The following DENND1A variants were observed in gnomAD, a reference collection of about 807,000 sequenced individuals.
DENND1A encodes the protein DENN domain containing 1A.
Under a neutral mutation model 113.7 loss-of-function variants are expected in DENND1A, and 51 were observed. The ratio of observed to expected loss-of-function variants is 0.45; its 90% CI spans 0.36 to 0.57. The LOEUF is 0.57. Among genes scored for constraint, DENND1A ranks in the 20% least tolerant of loss-of-function variants. The probability of loss-of-function intolerance (pLI) is 0.00; values close to 1 mark genes in which losing one functional copy is unlikely to be tolerated. For missense variants in DENND1A, 1,258 were observed against 1,395.9 expected (o/e 0.90, Z 1.57); for synonymous variants, 565 against 570.8 (o/e 0.99, Z 0.14).
Position 123,775,169 on chromosome 9 carries a change from T to G in DENND1A, c.133-5606A>C, listed in dbSNP as rs1830280168. On this transcript the variant is annotated intron_variant, in intron 3 of 23. Transcript: ENST00000394215. Reference sequence around the variant, plus strand: ...GAAAATGAGAGCTATATTTATAAGGTCAGCATGAAATGCCAATAAAATTCT... The same window carrying G: ...GAAAATGAGAGCTATATTTATAAGGGCAGCATGAAATGCCAATAAAATTCT... 2.0e-5 allele frequency among the ~76,000 whole-genome samples: 3 copies of G among 152,186 alleles called. No individual in the cohort carries two copies. In the South Asian group the frequency reaches 6.2e-4, roughly 31 times the overall value.
At chr9:123,522,115 A>C (rs898822535) in intron 13 of DENND1A, among the ~76,000 whole-genome samples, 2 of 152,218 alleles carry the variant, frequency 1.3e-5, no homozygotes, top group African/African-American at 4.8e-5. Flanking sequence ...TTGCCCAACA[A>C]TGGCAAATAT....
At chr9:123,783,526 G>A (rs1564262436) in intron 3 of DENND1A, among the ~76,000 whole-genome samples, 1 of 152,166 alleles carries the variant, frequency 6.6e-6, no homozygotes, top group Non-Finnish European at 1.5e-5. Flanking sequence ...TTTGGTGTCA[G>A]GTGTTATTCT....
chr9:123,836,922 T>C (rs1252822266), intron 2 of DENND1A, among the ~76,000 whole-genome samples: 1 of 152,214 alleles, frequency 6.6e-6, no homozygotes, highest in African/African-American at 2.4e-5. Flanking sequence ...TACAACTACA[T>C]TTGTTATCTT....
At chr9:123,619,023 C>T (rs2060804084) in intron 10 of DENND1A, among the ~76,000 whole-genome samples, 1 of 152,222 alleles carries the variant, frequency 6.6e-6, no homozygotes, top group Non-Finnish European at 1.5e-5. Flanking sequence ...TCTCAGCTCA[C>T]TGCAACCTCC....
At chr9:123,808,501 C>T (rs956269797) in intron 2 of DENND1A, among the ~76,000 whole-genome samples, 5 of 151,952 alleles carry the variant, frequency 3.3e-5, no homozygotes, top group African/African-American at 1.2e-4. Context: ...CCGCCTCAGC[C>T]TCCCAAGTAG....
chr9:123,567,118 T>C (rs1384857777), intron 12 of DENND1A, among the ~76,000 whole-genome samples: 2 of 152,176 alleles, frequency 1.3e-5, no homozygotes, highest in African/African-American at 2.4e-5. Flanking sequence ...CATATATTTA[T>C]CCGGGGAGTG....
chr9:123,547,828 A>G (rs2056801010), intron 13 of DENND1A, among the ~76,000 whole-genome samples: 1 of 152,204 alleles, frequency 6.6e-6, no homozygotes, highest in Non-Finnish European at 1.5e-5. Context: ...TATGGACACC[A>G]CTATTCTAGA....
chr9:123,402,088 T>C (rs559762935), intron 21 of DENND1A, among the ~76,000 whole-genome samples: 3 of 152,366 alleles, frequency 2.0e-5, no homozygotes, highest in South Asian at 4.1e-4. Context: ...TCAGGTGCCA[T>C]GCAGCGTTCT....
chr9:123,739,925 A>G (rs61184681), intron 5 of DENND1A, among the ~76,000 whole-genome samples: 10,946 of 149,964 alleles, frequency 0.073, 779 homozygotes, highest in African/African-American at 0.19. Context: ...CATAGGAGAA[A>G]AAAAAAAAAA....
intron 3 of DENND1A, among the ~76,000 whole-genome samples, chr9:123,791,470 A>G (rs1350778766): frequency 6.6e-6 from 1 of 152,160 alleles, no homozygotes; most frequent in Non-Finnish European, 1.5e-5. Context: ...AAGTCTTGAG[A>G]TCAAACACAA....
At chr9:123,740,802 C>T (rs1357092944) in intron 5 of DENND1A, among the ~76,000 whole-genome samples, 1 of 151,154 alleles carries the variant, frequency 6.6e-6, no homozygotes, top group African/African-American at 2.4e-5. Context: ...ACAAGCTGTG[C>T]TTTAGAATGT....
chr9:123,865,825 A>G (rs1290404966), intron 2 of DENND1A, among the ~76,000 whole-genome samples: 1 of 152,194 alleles, frequency 6.6e-6, no homozygotes, highest in East Asian at 1.9e-4. Context: ...TAAGTAGGGG[A>G]GCCAGAATTT....
intron 5 of DENND1A, among the ~76,000 whole-genome samples, chr9:123,698,438 A>G (rs986502830): frequency 6.6e-6 from 1 of 152,236 alleles, no homozygotes. Flanking sequence ...ATCAACAGAT[A>G]TGATTTTGCT....
intron 13 of DENND1A, among the ~76,000 whole-genome samples, chr9:123,483,533 G>A (rs1201748131): frequency 6.6e-6 from 1 of 152,258 alleles, no homozygotes; most frequent in Non-Finnish European, 1.5e-5. Flanking sequence ...CACTTGCTGG[G>A]TTCCCCAGCT....
intron 13 of DENND1A, among the ~76,000 whole-genome samples, chr9:123,539,827 G>A (rs2056141575): frequency 6.7e-6 from 1 of 149,160 alleles, no homozygotes; most frequent in Non-Finnish European, 1.5e-5. Flanking sequence ...AGCTTGCAGT[G>A]AGCCGAGATC....
chr9:123,452,013 C>T (rs1324785214), intron 17 of DENND1A, among the ~76,000 whole-genome samples: 1 of 131,578 alleles, frequency 7.6e-6, no homozygotes, highest in East Asian at 2.2e-4. Flanking sequence ...GCCTGGGTAA[C>T]ATACTGAGAC....
chr9:123,577,955 A>G (rs955432911), intron 12 of DENND1A, among the ~76,000 whole-genome samples: 11 of 152,170 alleles, frequency 7.2e-5, no homozygotes, highest in African/African-American at 2.4e-4. Context: ...GACCAACAAG[A>G]TCTCTGACTC....
intron 5 of DENND1A, among the ~76,000 whole-genome samples, chr9:123,710,439 C>T (rs151027600): frequency 6.6e-6 from 1 of 152,246 alleles, no homozygotes; most frequent in East Asian, 1.9e-4. Context: ...TTCAACAAGG[C>T]TACCACTCTA....
chr9:123,620,794 A>T (rs1313276910), intron 10 of DENND1A, among the ~76,000 whole-genome samples: 6 of 151,360 alleles, frequency 4.0e-5, no homozygotes, highest in Admixed American at 3.9e-4. Flanking sequence ...CCCCTCCCAG[A>T]TGAGCTCTGT....
Sources: allele counts gnomAD v4.1 joint callset (sites outside exome capture counted in the v4.1 genomes callset), GRCh38; gene constraint gnomAD v4.1.1; transcripts MANE v1.5; gene names NCBI Gene and HGNC (gene_info 2026-07-23, HGNC 2026-07-21).